The following SCN3A variants were observed in gnomAD, a reference collection of about 807,000 sequenced individuals.
The protein encoded by SCN3A is sodium channel protein type 3 subunit alpha.
Under a neutral mutation model 187.6 loss-of-function variants are expected in SCN3A, and 60 were observed. The ratio of observed to expected loss-of-function variants is 0.32; its 90% CI spans 0.26 to 0.40. SCN3A has a LOEUF of 0.40. Among genes scored for constraint, SCN3A ranks in the 10% least tolerant of loss-of-function variants. The pLI is 1.00. For missense variants in SCN3A, 1,601 were observed against 2,428.2 expected (o/e 0.66, Z 7.16); for synonymous variants, 788 against 829.2 (o/e 0.95, Z 0.85).
At chr2:165,158,271 C>T (rs1421736060) in intron 9 of SCN3A, among the ~76,000 whole-genome samples, 2 of 96,408 alleles carry the variant, frequency 2.1e-5, no homozygotes, top group Non-Finnish European at 3.7e-5. Context: ...CTTACAGACT[C>T]CACTCATTTC....
rs1447987006 is a variant in SCN3A, at chr2:165,089,494, G to GA, written c.*655dup. Reference sequence around the variant, plus strand: ...AAATAATCCTTTAAATATTAGAGGAGACTTTACAGGCACATAACTGTTCAG... The same window carrying GA: ...AAATAATCCTTTAAATATTAGAGGAGAACTTTACAGGCACATAACTGTTCAG... On this transcript the variant is annotated 3_prime_UTR_variant, in exon 28 of 28. Coordinates refer to ENST00000283254, the MANE Select transcript of SCN3A (RefSeq NM_006922.4). The GA allele has an allele frequency of 6.6e-6, 1 of 152,562 alleles. No individual in the cohort carries two copies. Among genetic ancestry groups the GA allele is most frequent in the East Asian group, 1.9e-4 (1 of 5,196 alleles). The allele number at this position is 152,562 out of a possible 1,614,324, so 9.5% of individuals were successfully genotyped here. A position where few individuals can be genotyped will look rare whatever the true frequency, so the allele number is the denominator to read the frequency against.
At chr2:165,192,024 G>C (rs1219080781) in intron 1 of SCN3A, among the ~76,000 whole-genome samples, 1 of 151,342 alleles carries the variant, frequency 6.6e-6, no homozygotes, top group African/African-American at 2.4e-5. Context: ...GCAATGTCTA[G>C]AAAAAATGAA....
chr2:165,164,718 A>T (rs1689630414), intron 5 of SCN3A, among the ~76,000 whole-genome samples, 198 bp from the exon 6 acceptor site: 1 of 152,156 alleles, frequency 6.6e-6, no homozygotes, highest in Non-Finnish European at 1.5e-5. Context: ...GAGAAAATAT[A>T]TTCTTTAGGA....
intron 11 of SCN3A, among the ~76,000 whole-genome samples, chr2:165,150,658 A>G (rs1264299923): frequency 6.6e-6 from 1 of 152,150 alleles, no homozygotes; most frequent in African/African-American, 2.4e-5. Flanking sequence ...GGTTCTTTAA[A>G]CTTCTACTAG....
intron 1 of SCN3A, among the ~76,000 whole-genome samples, chr2:165,194,688 T>TA (rs961091090): frequency 3.5e-4 from 54 of 152,168 alleles, no homozygotes; most frequent in African/African-American, 1.3e-3. Flanking sequence ...AATGGTAATA[T>TA]AAAAAATCTC....
At chr2:165,112,802 A>G (rs1686184307) in intron 21 of SCN3A, 83 bp downstream of exon 21, 6 of 1,212,052 alleles carry the variant, frequency 5.0e-6, no homozygotes, top group Non-Finnish European at 7.2e-6. Flanking sequence ...ATTATTAGTG[A>G]AAGTTTTAAT....
intron 18 of SCN3A, 103 bp downstream of exon 18, chr2:165,127,528 A>G: frequency 4.6e-6 from 4 of 878,020 alleles, no homozygotes; most frequent in South Asian, 1.4e-5. Flanking sequence ...ATGACTTTCA[A>G]TATTGCTTTT....
At chr2:165,139,333 T>C (rs1394394547) in intron 14 of SCN3A, 143 bp downstream of exon 14, 2 of 1,139,386 alleles carry the variant, frequency 1.8e-6, no homozygotes, top group Non-Finnish European at 2.6e-6. Context: ...ATCAATGTGA[T>C]AATGTACTCC....
rs1176760326 is a variant in SCN3A, at chr2:165,088,416, C to G, written c.*1734G>C. ...TGCAGCAGGAATTAAAAAAATAAGACTAGTCTGCATACGTAAATACTACAA... is the reference window on the plus strand; with the variant it reads ...TGCAGCAGGAATTAAAAAAATAAGAGTAGTCTGCATACGTAAATACTACAA... On this transcript the variant is annotated 3_prime_UTR_variant, in exon 28 of 28. Coordinates refer to ENST00000283254, the MANE Select transcript of SCN3A (RefSeq NM_006922.4). 6.6e-6 allele frequency: 1 copy of G among 152,174 alleles called. No homozygotes were observed. The highest frequency in any genetic ancestry group is 1.5e-5 in the Non-Finnish European group (1 of 67,884). 9.4% of individuals were successfully genotyped at this position (152,174 alleles called of 1,614,324 possible). A position where few individuals can be genotyped will look rare whatever the true frequency, so the allele number is the denominator to read the frequency against.
Position 165,146,769 on chromosome 2 carries a change from G to C in SCN3A, c.1641C>G (p.Thr547=), listed in dbSNP as rs1303865768. 5 of 1,613,948 alleles carry C rather than the reference G, an allele frequency of 3.1e-6. No individual in the cohort carries two copies. In the South Asian group the frequency reaches 5.5e-5, roughly 18 times the overall value. The change falls in exon 12 of 28, where the codon ACC becomes ACG. Residue 547 remains threonine (T), a synonymous_variant. Coordinates refer to ENST00000283254, the MANE Select transcript of SCN3A (RefSeq NM_006922.4). The part of the protein sequence containing the change: ...FLFSMDGNRL[T]SDKKFCSPHQ... ...GAGGGGAGCAGAATTTTTTGTCACT[G>C]GTCAGTCTGTTTCCATCCATGGAGA...
chr2:165,110,313 A>G (rs189026528), intron 21 of SCN3A, among the ~76,000 whole-genome samples: 27 of 152,348 alleles, frequency 1.8e-4, no homozygotes, highest in Non-Finnish European at 3.2e-4. Flanking sequence ...TTTATTGAAT[A>G]AATGAATGAA....
Position 165,090,197 on chromosome 2 carries a change from G to T in SCN3A, c.5956C>A (p.Pro1986Thr), listed in dbSNP as rs1329050086. 1.9e-6 allele frequency: 3 copies of T among 1,601,902 alleles called. No homozygotes were observed. Among genetic ancestry groups the T allele is most frequent in the Admixed American group, 1.7e-5 (1 of 58,694 alleles). Residue 1986 changes from proline (P) to threonine (T), a missense_variant, in exon 28 of 28, where the codon CCA becomes ACA. By Grantham distance (38) the Pro-to-Thr change is conservative. Coordinates refer to ENST00000283254, the MANE Select transcript of SCN3A (RefSeq NM_006922.4). The surrounding 1 kb of genome is among the most constrained non-coding windows in gnomAD (Gnocchi z 4.0). ...PDKEKFEKDK[P>T]EKESKGKEVR... Reference sequence around the variant, plus strand: ...TCTTTTCCTTTGCTTTCTTTTTCTGGTTTGTCTTTCTCAAACTTTTCCTTG... The same window carrying T: ...TCTTTTCCTTTGCTTTCTTTTTCTGTTTTGTCTTTCTCAAACTTTTCCTTG...
intron 14 of SCN3A, 58 bp downstream of exon 14, chr2:165,139,418 A>G (rs917558771): frequency 6.2e-7 from 1 of 1,610,150 alleles, no homozygotes; most frequent in Non-Finnish European, 8.5e-7. Context: ...GAAAAGAAGG[A>G]ATAGTTCACA....
chr2:165,187,481 G>A (rs1691317275), intron 1 of SCN3A, among the ~76,000 whole-genome samples: 1 of 152,136 alleles, frequency 6.6e-6, no homozygotes, highest in African/African-American at 2.4e-5. Flanking sequence ...TTTATACAAT[G>A]CTCATAAGCC....
At chr2:165,099,273 G>A (rs535204602) in intron 22 of SCN3A, among the ~76,000 whole-genome samples, 1 of 152,128 alleles carries the variant, frequency 6.6e-6, no homozygotes, top group Admixed American at 6.5e-5. Context: ...CTACCGAGGG[G>A]CATGGCAAAT....
chr2:165,163,854 G>A (rs776205331), intron 6 of SCN3A, 145 bp from the exon 7 acceptor site: 1 of 1,613,836 alleles, frequency 6.2e-7, no homozygotes, highest in Non-Finnish European at 8.5e-7. Flanking sequence ...AAGTTCGAAG[G>A]GCTGAAACAT....
At chr2:165,095,743 C>CTACTT (rs1685335790) in intron 24 of SCN3A, 95 bp from the exon 25 acceptor site, 1 of 687,506 alleles carries the variant, frequency 1.5e-6, no homozygotes, top group African/African-American at 1.8e-5. Context: ...TAATACAGTG[C>CTACTT]TACTTTTGCC....
intron 2 of SCN3A, among the ~76,000 whole-genome samples, chr2:165,185,061 GAA>G (rs1038236736): frequency 2.3e-5 from 3 of 132,414 alleles, no homozygotes; most frequent in Non-Finnish European, 3.3e-5. Context: ...TCATGGCTCT[GAA>G]AAAAAAAAAA....
chr2:165,153,746 T>A (rs1210935084), intron 11 of SCN3A, among the ~76,000 whole-genome samples: 2 of 152,080 alleles, frequency 1.3e-5, no homozygotes, highest in Non-Finnish European at 2.9e-5. Context: ...ATTGAGAAAT[T>A]ATAATTCTAA....
Sources: allele counts gnomAD v4.1 joint callset (sites outside exome capture counted in the v4.1 genomes callset), GRCh38; gene constraint gnomAD v4.1.1; non-coding constraint Gnocchi (gnomAD v3.1); transcripts MANE v1.5; gene names NCBI Gene and HGNC (gene_info 2026-07-23, HGNC 2026-07-21).